Variants in KANK1 observed in about 807,000 individuals in gnomAD.
The protein encoded by KANK1 is KN motif and ankyrin repeat domain-containing protein 1.
In KANK1, 109 loss-of-function variants were observed where a neutral mutation model predicts 106.2. The observed-to-expected ratio is 1.03, with a 90% CI of 0.88 to 1.20. The LOEUF is 1.20. KANK1 is among the 50% of genes most tolerant of loss of function. The pLI, the probability that KANK1 is intolerant of heterozygous loss-of-function variation, is 0.00. For missense variants in KANK1, 2,399 were observed against 1,710.7 expected (o/e 1.40, Z -7.10); for synonymous variants, 873 against 652.2 (o/e 1.34, Z -5.16).
chr9:552,328 C>T (rs73639346), intron 1 of KANK1, among the ~76,000 whole-genome samples: 8,834 of 152,158 alleles, frequency 0.058, 873 homozygotes, highest in African/African-American at 0.2. Flanking sequence ...GTTCCAAGGA[C>T]CTGCCTAACT....
At chr9:482,995 C>G (rs997391092) in intron 3 of KANK1, among the ~76,000 whole-genome samples, 1 of 152,196 alleles carries the variant, frequency 6.6e-6, no homozygotes, top group Non-Finnish European at 1.5e-5. Context: ...CTTAGTAGAT[C>G]TGTTGGTTAT....
At chr9:591,516 T>C (rs975048414) in intron 1 of KANK1, among the ~76,000 whole-genome samples, 2 of 151,850 alleles carry the variant, frequency 1.3e-5, no homozygotes, top group African/African-American at 4.9e-5. Context: ...CCTTGAACAC[T>C]ATGTTCCAGC....
intron 1 of KANK1, among the ~76,000 whole-genome samples, chr9:551,529 T>C (rs1424041038): frequency 6.6e-6 from 1 of 152,218 alleles, no homozygotes; most frequent in East Asian, 1.9e-4. Flanking sequence ...TGAAAGTGTT[T>C]ACCTCTTAAC....
At chr9:646,978 G>A (rs116680299) in intron 1 of KANK1, among the ~76,000 whole-genome samples, 2,095 of 150,956 alleles carry the variant, frequency 0.014, 207 homozygotes, top group African/African-American at 0.049. Flanking sequence ...GATTACCGGC[G>A]TGAGCTACTA....
In KANK1 at chr9:712,167, A is replaced by G. The variant is rs766982941; in HGVS notation, c.1401A>G (p.Glu467=). ...LQQQTIESLK[E]KIYRLEVQLR... ...AGCAGACCATAGAATCCTTGAAGGA[A>G]AAGATCTATCGCCTAGAAGTACAGC... Residue 467 remains glutamate, a synonymous_variant, in exon 3 of 12, where the codon GAA becomes GAG. Transcript: ENST00000382297. 21 of 1,614,018 alleles carry G rather than the reference A, an allele frequency of 1.3e-5. No individual in the cohort carries two copies. In the South Asian group the frequency reaches 1.4e-4, roughly 11 times the overall value.
At chr9:689,503 G>C (rs756640545) in intron 2 of KANK1, among the ~76,000 whole-genome samples, 4 of 152,140 alleles carry the variant, frequency 2.6e-5, no homozygotes, top group African/African-American at 9.7e-5. Flanking sequence ...GCATGTAAAG[G>C]AGGAGTCCTC....
chr9:646,023 A>G (rs2137344548), intron 1 of KANK1, among the ~76,000 whole-genome samples: 1 of 151,016 alleles, frequency 6.6e-6, no homozygotes, highest in East Asian at 1.9e-4. Context: ...GAGGCATAGT[A>G]GTAGACCCAT....
chr9:564,414 C>T (rs1563776456), intron 1 of KANK1, among the ~76,000 whole-genome samples: 1 of 152,140 alleles, frequency 6.6e-6, no homozygotes. Flanking sequence ...TCTCACCAGA[C>T]ACCCTTATAC....
At position 598,615 on chromosome 9, in the gene KANK1, G is replaced by A. The variant is rs969192786; in HGVS notation, c.-83-78275G>A. On this transcript the variant is annotated intron_variant, in intron 1 of 11. Coordinates refer to ENST00000382297, the MANE Select transcript of KANK1 (RefSeq NM_015158.5). ...TAGGTTTTTTTGTTTTGTTTTGTTG[G>A]TTTTCTTTTTTTTTTTTTTTTTTTT... Among the ~76,000 whole-genome samples, 17 of 73,332 alleles carry A rather than the reference G, an allele frequency of 2.3e-4. 2 individuals are homozygous for A. The highest frequency in any genetic ancestry group is 7.1e-4 in the African/African-American group (15 of 21,056). The allele number at this position is 73,332 out of a possible 152,430, so 48.1% of individuals were successfully genotyped here. A position where few individuals can be genotyped will look rare whatever the true frequency, so the allele number is the denominator to read the frequency against.
At chr9:523,375 C>T (rs1483202674) in intron 1 of KANK1, among the ~76,000 whole-genome samples, 1 of 151,644 alleles carries the variant, frequency 6.6e-6, no homozygotes, top group African/African-American at 2.4e-5. Flanking sequence ...CTGCATCGTC[C>T]TCCCTCTTTC....
chr9:588,525 A>G lies in KANK1; in HGVS notation c.-84+83771A>G, dbSNP rs144761911. The stretch of plus-strand genomic sequence containing the variant: ...CACACCAGTTTATAATCTCAGTAGC[A>G]GTATATTGAAGTACCTGGTAACTTT... On this transcript the variant is annotated intron_variant, in intron 1 of 11. Transcript: ENST00000382297. Among the ~76,000 whole-genome samples, 1,140 of 152,288 alleles carry G rather than the reference A, an allele frequency of 7.5e-3. 8 individuals are homozygous for G. Among genetic ancestry groups the G allele is most frequent in the African/African-American group, 0.025 (1,026 of 41,552 alleles).
chr9:660,808 C>G (rs1378311820), intron 1 of KANK1, among the ~76,000 whole-genome samples: 1 of 152,166 alleles, frequency 6.6e-6, no homozygotes, highest in Non-Finnish European at 1.5e-5. Context: ...GTGTCTATAA[C>G]CTGACCAGGT....
chr9:565,821 C>T (rs1051922964), intron 1 of KANK1, among the ~76,000 whole-genome samples: 2 of 152,172 alleles, frequency 1.3e-5, no homozygotes, highest in Non-Finnish European at 2.9e-5. Flanking sequence ...AATCTTGTGA[C>T]TTCCAGAACA....
chr9:550,216 CA>C lies in KANK1; in HGVS notation c.-84+45463del, dbSNP rs199744602. ...CCACCCCAACCGCCTCCCCTCCCCC[CA>C]GGGATACTGTAATTTTAAGTATTGT... On this transcript the variant is annotated intron_variant, in intron 1 of 11. Transcript: ENST00000382297. Among the ~76,000 whole-genome samples, 715 of 152,212 alleles carry C rather than the reference CA, an allele frequency of 4.7e-3. 6 individuals carry two copies. Among genetic ancestry groups the C allele is most frequent in the African/African-American group, 0.016 (668 of 41,508 alleles).
At chr9:659,584 G>A (rs963782002) in intron 1 of KANK1, among the ~76,000 whole-genome samples, 2 of 152,174 alleles carry the variant, frequency 1.3e-5, no homozygotes, top group Non-Finnish European at 2.9e-5. Context: ...AGGCTTAATC[G>A]ACTCACAGTT....
intron 1 of KANK1, among the ~76,000 whole-genome samples, chr9:590,250 G>A (rs1309529626): frequency 6.6e-6 from 1 of 152,080 alleles, no homozygotes; most frequent in Non-Finnish European, 1.5e-5. Context: ...TTTGTTTTGT[G>A]TTCTAATAGC....
rs749195556 is a variant in KANK1 at position 734,790 on chromosome 9, G to A, written c.3288G>A (p.Leu1096=). The A allele has an allele frequency of 1.2e-6, 2 of 1,613,880 alleles. No individual in the cohort carries two copies. Among genetic ancestry groups the A allele is most frequent in the Non-Finnish European group, 1.7e-6 (2 of 1,179,764 alleles). Residue 1096 remains leucine (L), a synonymous_variant, in exon 7 of 12, where the codon CTG becomes CTA. Coordinates refer to ENST00000382297, the MANE Select transcript of KANK1 (RefSeq NM_015158.5). Reference sequence around the variant, plus strand: ...AGATGTTGTCTGCATGCAACTTACTGAAAAATACTATAAATGACCCCAAAG... The same window carrying A: ...AGATGTTGTCTGCATGCAACTTACTAAAAAATACTATAAATGACCCCAAAG... ...SEKMLSACNL[L]KNTINDPKAL...
chr9:503,603 TGTGCG>T (rs1242784668), upstream of KANK1, among the ~76,000 whole-genome samples: 8 of 152,288 alleles, frequency 5.3e-5, no homozygotes, highest in Non-Finnish European at 8.8e-5. Context: ...CTGCTGGATG[TGTGCG>T]GTGCTAGAGA....
chr9:740,902 G>A lies in KANK1; in HGVS notation c.3664G>A (p.Gly1222Ser), dbSNP rs746280611. ...CATGCGGATTGTGGAAGAACTCTTC[G>A]GCTGTGGGGATGTGAATGCCAAAGC... ...KDMRIVEELF[G>S]CGDVNAKASQ... The change falls in exon 9 of 12, where the codon GGC (glycine) becomes AGC (serine). Residue 1222 changes from glycine to serine, a missense_variant. Coordinates refer to ENST00000382297, the MANE Select transcript of KANK1 (RefSeq NM_015158.5). 1.2e-5 allele frequency: 19 copies of A among 1,614,074 alleles called. No homozygotes were observed. Among genetic ancestry groups the A allele is most frequent in the Admixed American group, 3.3e-5 (2 of 60,010 alleles).
Sources: allele counts gnomAD v4.1 joint callset (sites outside exome capture counted in the v4.1 genomes callset), GRCh38; gene constraint gnomAD v4.1.1; transcripts MANE v1.5; gene names NCBI Gene and HGNC (gene_info 2026-07-23, HGNC 2026-07-21).